ATXN7: variants seen among roughly 807,000 people sequenced by gnomAD.
ATXN7 encodes ataxin 7.
In ATXN7, 12 loss-of-function variants were observed where a neutral mutation model predicts 70.5. The ratio of observed to expected loss-of-function variants is 0.17; its 90% CI spans 0.11 to 0.28. The LOEUF is 0.28. ATXN7 is among the 10% of genes least tolerant of loss of function. ATXN7 has a pLI of 1.00. For missense variants in ATXN7, 1,256 were observed against 1,131.7 expected, an observed-to-expected ratio of 1.11 and a Z score of -1.58; for synonymous variants, 498 against 448.7, an observed-to-expected ratio of 1.11 and a Z score of -1.39.
chr3:63,874,081 T>A (rs1702675245), intron 1 of ATXN7, among the ~76,000 whole-genome samples: 1 of 152,230 alleles, frequency 6.6e-6, no homozygotes, highest in South Asian at 2.1e-4. Context: ...TACTGGTACT[T>A]ACCACTCTAA....
At chr3:63,937,573 G>T (rs1199371690) in intron 4 of ATXN7, among the ~76,000 whole-genome samples, 1 of 152,202 alleles carries the variant, frequency 6.6e-6, no homozygotes, top group Admixed American at 6.5e-5. Flanking sequence ...GTGTCTTAAA[G>T]TAAACAGTAT....
At chr3:63,863,729 C>T (rs1702302948), upstream of ATXN7, 5 of 1,248,302 alleles carry the variant, frequency 4.0e-6, no homozygotes, top group South Asian at 1.5e-4. Context: ...GGAGGCCCAG[C>T]GGGCCGTGCA....
intron 1 of ATXN7, among the ~76,000 whole-genome samples, chr3:63,865,782 C>A (rs1702399988): frequency 6.7e-6 from 1 of 148,342 alleles, no homozygotes; most frequent in Non-Finnish European, 1.5e-5. Context: ...GTAGTCCCAG[C>A]TACTTGGGAG....
intron 1 of ATXN7, among the ~76,000 whole-genome samples, chr3:63,871,609 A>AT (rs1414005545): frequency 6.6e-6 from 1 of 152,192 alleles, no homozygotes; most frequent in African/African-American, 2.4e-5. Context: ...GGGCCTATCC[A>AT]TGTAGTGGAA....
At chr3:63,940,961 A>T (rs1381129975) in intron 4 of ATXN7, among the ~76,000 whole-genome samples, 1 of 152,158 alleles carries the variant, frequency 6.6e-6, no homozygotes, top group Non-Finnish European at 1.5e-5. Flanking sequence ...GAGTAGCTTA[A>T]GGAACCCGTG....
intron 1 of ATXN7, among the ~76,000 whole-genome samples, chr3:63,872,296 T>C (rs1365294513): frequency 6.6e-6 from 1 of 152,236 alleles, no homozygotes; most frequent in Non-Finnish European, 1.5e-5. Flanking sequence ...TTCCAAAAGT[T>C]TGTGGCTTAA....
intron 5 of ATXN7, among the ~76,000 whole-genome samples, chr3:63,979,327 G>T (rs536865086): frequency 4.6e-5 from 7 of 152,292 alleles, no homozygotes; most frequent in East Asian, 1.9e-4. Context: ...AAAAGGGGGG[G>T]TGGGAAGTGA....
chr3:63,976,539 C>CGATA (rs1404742403), intron 5 of ATXN7, among the ~76,000 whole-genome samples: 1 of 152,104 alleles, frequency 6.6e-6, no homozygotes, highest in Non-Finnish European at 1.5e-5. Flanking sequence ...GGGATATTAT[C>CGATA]GATACATCAG....
intron 1 of ATXN7, among the ~76,000 whole-genome samples, chr3:63,875,703 TA>T (rs1663239197): frequency 6.6e-6 from 1 of 152,208 alleles, no homozygotes; most frequent in Non-Finnish European, 1.5e-5. Context: ...ACTCTTCTTT[TA>T]TATGGTCCTG....
intron 1 of ATXN7, among the ~76,000 whole-genome samples, chr3:63,879,637 G>T (rs938163707): frequency 3.3e-5 from 5 of 151,748 alleles, no homozygotes; most frequent in African/African-American, 4.8e-5. Flanking sequence ...GATTACAGGC[G>T]TGTGCCACCA....
At chr3:63,994,355 C>T (rs1315626320) in intron 11 of ATXN7, among the ~76,000 whole-genome samples, 1 of 152,144 alleles carries the variant, frequency 6.6e-6, no homozygotes, top group Non-Finnish European at 1.5e-5. Flanking sequence ...CTGCCTCAGC[C>T]TTCTAAGTAG....
intron 4 of ATXN7, among the ~76,000 whole-genome samples, chr3:63,921,404 A>G (rs901193208): frequency 3.9e-5 from 6 of 152,222 alleles, no homozygotes; most frequent in Non-Finnish European, 8.8e-5. Context: ...TGGGGACTCC[A>G]GACATACGGT....
intron 4 of ATXN7, among the ~76,000 whole-genome samples, chr3:63,947,244 T>G (rs1460886837): frequency 6.6e-6 from 1 of 152,218 alleles, no homozygotes; most frequent in African/African-American, 2.4e-5. Flanking sequence ...TTCTGTCCTT[T>G]GAAGTACCCA....
intron 1 of ATXN7, among the ~76,000 whole-genome samples, chr3:63,871,795 A>G (rs898537852): frequency 6.6e-6 from 1 of 152,210 alleles, no homozygotes; most frequent in African/African-American, 2.4e-5. Context: ...TGTTTTAATT[A>G]TTAAATTATA....
chr3:64,001,324 G>A lies in ATXN7; in HGVS notation c.*1857G>A, dbSNP rs1337498705. 6.6e-6 allele frequency: 1 copy of A among 152,180 alleles called. No homozygotes were observed. Among genetic ancestry groups the A allele is most frequent in the Non-Finnish European group, 1.5e-5 (1 of 68,036 alleles). 9.4% of individuals were successfully genotyped at this position (152,180 alleles called of 1,614,324 possible). A position where few individuals can be genotyped will look rare whatever the true frequency, so the allele number is the denominator to read the frequency against. The stretch of plus-strand genomic sequence containing the variant: ...TGATACTACAGGAGAGCTTAGTAAG[G>A]AGAGGGCATGGATGGGCCAGTTTGG... On this transcript the variant is annotated 3_prime_UTR_variant, in exon 13 of 13. Transcript: ENST00000674280.
intron 6 of ATXN7, among the ~76,000 whole-genome samples, chr3:63,981,699 G>A: frequency 6.6e-6 from 1 of 152,182 alleles, no homozygotes; most frequent in Non-Finnish European, 1.5e-5. Context: ...TTGGAGATAT[G>A]TTATTTAGCA....
rs940227869 is a variant in ATXN7, at chr3:63,990,801, C to A, written c.1624C>A (p.Arg542=). The A allele has an allele frequency of 1.2e-6, 2 of 1,614,096 alleles. No homozygotes were observed. The highest frequency in any genetic ancestry group is 1.7e-6 in the Non-Finnish European group (2 of 1,180,050). Residue 542 remains arginine (R), a synonymous_variant, in exon 11 of 13, where the codon CGA becomes AGA. Coordinates refer to ENST00000674280, the MANE Select transcript of ATXN7 (RefSeq NM_001377405.1). ...GYYVFDSRWN[R]LRCALNLMVE... is the part of the protein sequence containing the mutation. ...TTACGTGTTTGACTCCAGGTGGAAT[C>A]GACTTCGCTGCGCCCTCAACCTCAT...
chr3:63,894,062 A>G (rs1011268112), intron 1 of ATXN7, among the ~76,000 whole-genome samples: 4 of 152,216 alleles, frequency 2.6e-5, no homozygotes, highest in African/African-American at 9.7e-5. Flanking sequence ...TTCATTTGGA[A>G]GAAAAGATTA....
intron 9 of ATXN7, among the ~76,000 whole-genome samples, 163 bp from the exon 10 acceptor site, chr3:63,990,013 C>A (rs1296126967): frequency 6.6e-6 from 1 of 152,166 alleles, no homozygotes; most frequent in African/African-American, 2.4e-5. Flanking sequence ...GAGAGAGGTT[C>A]CTTTACTCCC....
Sources: allele counts gnomAD v4.1 joint callset (sites outside exome capture counted in the v4.1 genomes callset), GRCh38; gene constraint gnomAD v4.1.1; transcripts MANE v1.5; gene names NCBI Gene and HGNC (gene_info 2026-07-23, HGNC 2026-07-21).